The following PLCL1 variants were observed in gnomAD, a reference collection of about 807,000 sequenced individuals.
PLCL1 encodes the protein inactive phospholipase C-like protein 1.
In PLCL1, 41 loss-of-function variants were observed where a neutral mutation model predicts 84.4. That is an observed-to-expected ratio of 0.49 (90% CI 0.38 to 0.63). The LOEUF (loss-of-function observed/expected upper bound fraction) is 0.63. Among genes scored for constraint, PLCL1 ranks in the 30% least tolerant of loss-of-function variants. PLCL1 has a pLI of 0.00. For missense variants in PLCL1, 1,206 were observed against 1,367.8 expected (o/e 0.88, Z 1.87); for synonymous variants, 490 against 488.3 (o/e 1.00, Z -0.05).
At position 197,826,969 on chromosome 2, in the gene PLCL1, CTT is replaced by C. The variant is rs529473562; in HGVS notation, c.240+21631_240+21632del. Among the ~76,000 whole-genome samples, 169 of 152,218 alleles carry C rather than the reference CTT, an allele frequency of 1.1e-3. 1 individual carries two copies. Among genetic ancestry groups the C allele is most frequent in the Non-Finnish European group, 1.9e-3 (132 of 68,006 alleles). ...GTCATCTTTGTCTCCTTTTTCCCCT[CTT>C]CTATCATATCCAATGTATCACCATG... On this transcript the variant is annotated intron_variant, in intron 1 of 5. Transcript: ENST00000428675.
intron 1 of PLCL1, among the ~76,000 whole-genome samples, chr2:197,912,364 A>G (rs1324008528): frequency 6.6e-6 from 1 of 151,328 alleles, no homozygotes; most frequent in East Asian, 2.0e-4. Context: ...AACTAGTTCA[A>G]CCATTGTGGA....
At chr2:197,967,825 G>A (rs1689775613) in intron 1 of PLCL1, among the ~76,000 whole-genome samples, 1 of 152,160 alleles carries the variant, frequency 6.6e-6, no homozygotes, top group African/African-American at 2.4e-5. Flanking sequence ...TCAGAAGAGA[G>A]AAACATGGAA....
chr2:197,938,494 A>C (rs193167608), intron 1 of PLCL1, among the ~76,000 whole-genome samples: 2 of 152,330 alleles, frequency 1.3e-5, no homozygotes, highest in Non-Finnish European at 2.9e-5. Context: ...TAGACATTTA[A>C]TTATCCCTCA....
chr2:197,815,579 A>G (rs1690670901), intron 1 of PLCL1, among the ~76,000 whole-genome samples: 1 of 152,182 alleles, frequency 6.6e-6, no homozygotes, highest in Non-Finnish European at 1.5e-5. Context: ...TATAGTTGCT[A>G]TAGATAGTGA....
intron 1 of PLCL1, among the ~76,000 whole-genome samples, chr2:197,908,375 T>C (rs910983708): frequency 2.0e-5 from 3 of 152,248 alleles, no homozygotes; most frequent in African/African-American, 7.2e-5. Flanking sequence ...TTACTCATTC[T>C]ATCTTTGGGC....
intron 1 of PLCL1, among the ~76,000 whole-genome samples, chr2:197,825,888 G>C (rs1239685852): frequency 6.6e-6 from 1 of 152,224 alleles, no homozygotes; most frequent in Non-Finnish European, 1.5e-5. Flanking sequence ...CAATATATCT[G>C]TTATATATTT....
chr2:198,065,886 T>A (rs913992860), intron 1 of PLCL1, among the ~76,000 whole-genome samples: 3 of 152,214 alleles, frequency 2.0e-5, no homozygotes, highest in Admixed American at 1.3e-4. Context: ...TGAATATCTC[T>A]TTAAGCTTGA....
chr2:197,911,080 T>G (rs548713265), intron 1 of PLCL1, among the ~76,000 whole-genome samples: 1 of 152,344 alleles, frequency 6.6e-6, no homozygotes, highest in Admixed American at 6.5e-5. Flanking sequence ...TTCAGTCATC[T>G]TTTAATAATA....
intron 1 of PLCL1, among the ~76,000 whole-genome samples, chr2:197,837,770 C>T (rs1453338449): frequency 6.6e-6 from 1 of 152,132 alleles, no homozygotes; most frequent in East Asian, 1.9e-4. Context: ...ATTACAAAAG[C>T]TATGTTAATC....
At chr2:197,966,730 T>G (rs1044769768) in intron 1 of PLCL1, among the ~76,000 whole-genome samples, 2 of 152,138 alleles carry the variant, frequency 1.3e-5, no homozygotes, top group Admixed American at 6.6e-5. Context: ...TGATTTTTGG[T>G]TCTTATGATG....
At chr2:197,955,066 C>G (rs188558447) in intron 1 of PLCL1, among the ~76,000 whole-genome samples, 1 of 152,050 alleles carries the variant, frequency 6.6e-6, no homozygotes, top group Non-Finnish European at 1.5e-5. Context: ...GAACAGGTAT[C>G]ATTTCCATCA....
intron 1 of PLCL1, among the ~76,000 whole-genome samples, chr2:197,929,705 T>C (rs952563310): frequency 4.6e-5 from 7 of 152,190 alleles, no homozygotes; most frequent in African/African-American, 1.4e-4. Flanking sequence ...TCTGGGCAGG[T>C]ATGAATTCTA....
chr2:198,025,780 A>T (rs1691249490), intron 1 of PLCL1, among the ~76,000 whole-genome samples: 1 of 152,192 alleles, frequency 6.6e-6, no homozygotes, highest in African/African-American at 2.4e-5. Flanking sequence ...CTATGTAAAC[A>T]TGGAGAACCC....
At chr2:197,975,237 T>C (rs1364428426) in intron 1 of PLCL1, among the ~76,000 whole-genome samples, 2 of 150,690 alleles carry the variant, frequency 1.3e-5, no homozygotes, top group African/African-American at 4.9e-5. Flanking sequence ...TTGTTTTGCA[T>C]AGATTATCTC....
chr2:197,879,492 A>AT (rs1018986920), intron 1 of PLCL1, among the ~76,000 whole-genome samples: 3 of 151,812 alleles, frequency 2.0e-5, no homozygotes, highest in African/African-American at 7.3e-5. Flanking sequence ...TAAAAAATGG[A>AT]TTTTTTTTGG....
intron 1 of PLCL1, among the ~76,000 whole-genome samples, chr2:198,059,028 C>T (rs1008335137): frequency 6.6e-6 from 1 of 152,180 alleles, no homozygotes; most frequent in African/African-American, 2.4e-5. Context: ...TAACCCCCAA[C>T]AGGAATCATG....
intron 1 of PLCL1, among the ~76,000 whole-genome samples, chr2:197,850,646 C>T (rs562611578): frequency 6.6e-6 from 1 of 152,076 alleles, no homozygotes; most frequent in Admixed American, 6.6e-5. Flanking sequence ...ATGTTTTTTC[C>T]CTTCCAGTAT....
chr2:197,804,901 G>A lies in PLCL1; in HGVS notation c.-199G>A, dbSNP rs1438756324. On this transcript the variant is annotated 5_prime_UTR_variant, in exon 1 of 6. Transcript: ENST00000428675. Reference sequence around the variant, plus strand: ...CTGCTAGCCTCCTAGACCGAAGCCCGAGGACGTCTCTGCCCGAGCGATGTC... The same window carrying A: ...CTGCTAGCCTCCTAGACCGAAGCCCAAGGACGTCTCTGCCCGAGCGATGTC... 5 of 530,198 alleles carry A rather than the reference G, an allele frequency of 9.4e-6. No homozygotes were observed. Among genetic ancestry groups the A allele is most frequent in the African/African-American group, 2.0e-5 (1 of 48,844 alleles). 32.8% of individuals were successfully genotyped at this position (530,198 alleles called of 1,614,324 possible).
chr2:198,003,569 G>T (rs1690657066), intron 1 of PLCL1, among the ~76,000 whole-genome samples: 1 of 152,210 alleles, frequency 6.6e-6, no homozygotes, highest in Non-Finnish European at 1.5e-5. Context: ...ACTTAAGACA[G>T]AAGAACTATG....
Sources: allele counts gnomAD v4.1 joint callset (sites outside exome capture counted in the v4.1 genomes callset), GRCh38; gene constraint gnomAD v4.1.1; transcripts MANE v1.5; gene names NCBI Gene and HGNC (gene_info 2026-07-23, HGNC 2026-07-21).